The following ZFAND6 variants were observed in gnomAD, a reference collection of about 807,000 sequenced individuals.
The protein encoded by ZFAND6 is AN1-type zinc finger protein 6.
ZFAND6 carries 12 observed loss-of-function variants against 24.5 expected under a neutral mutation model. The ratio of observed to expected loss-of-function variants is 0.49; its 90% CI spans 0.31 to 0.79. The LOEUF (loss-of-function observed/expected upper bound fraction) is 0.79, where lower values mean the gene tolerates loss of function less well. Among genes scored for constraint, ZFAND6 ranks in the 30% least tolerant of loss-of-function variants. The pLI, the probability that ZFAND6 is intolerant of heterozygous loss-of-function variation, is 0.04. For missense variants in ZFAND6, 207 were observed against 245.9 expected (o/e 0.84, Z 1.06); for synonymous variants, 92 against 81.5 (o/e 1.13, Z -0.69).
intron 1 of ZFAND6, among the ~76,000 whole-genome samples, chr15:80,090,229 G>A (rs375085281): frequency 6.6e-6 from 1 of 152,150 alleles, no homozygotes; most frequent in Non-Finnish European, 1.5e-5. Context: ...GTATCTGATA[G>A]TACCTAAGTA....
At chr15:80,105,870 T>C (rs373023490) in intron 2 of ZFAND6, among the ~76,000 whole-genome samples, 6 of 152,248 alleles carry the variant, frequency 3.9e-5, no homozygotes, top group African/African-American at 9.6e-5. Context: ...CTTGCAATCA[T>C]TTCTGGCATC....
chr15:80,080,231 G>A (rs555568524), intron 1 of ZFAND6, among the ~76,000 whole-genome samples: 2 of 151,466 alleles, frequency 1.3e-5, no homozygotes, highest in Admixed American at 6.6e-5. Flanking sequence ...TCCTGACCTC[G>A]GGTGATCCAC....
chr15:80,109,207 T>C (rs1482131045), intron 2 of ZFAND6, among the ~76,000 whole-genome samples: 1 of 152,182 alleles, frequency 6.6e-6, no homozygotes, highest in African/African-American at 2.4e-5. Flanking sequence ...GGCAGTTTCA[T>C]TCATACATTC....
intron 1 of ZFAND6, among the ~76,000 whole-genome samples, chr15:80,073,664 C>G (rs1340583712): frequency 1.3e-5 from 2 of 151,888 alleles, no homozygotes; most frequent in Admixed American, 1.3e-4. Flanking sequence ...ATCTACCCAC[C>G]AGCAGATCAT....
At chr15:80,064,159 ATGTATT>A (rs2036483989) in intron 1 of ZFAND6, among the ~76,000 whole-genome samples, 1 of 152,232 alleles carries the variant, frequency 6.6e-6, no homozygotes, top group African/African-American at 2.4e-5. Context: ...AGCTACTACT[ATGTATT>A]TGTCATTGTT....
intron 1 of ZFAND6, among the ~76,000 whole-genome samples, chr15:80,097,957 C>T (rs2038827302): frequency 6.6e-6 from 1 of 151,862 alleles, no homozygotes; most frequent in South Asian, 2.1e-4. Context: ...TGCTATAAAC[C>T]ATAGAAAATG....
intron 5 of ZFAND6, among the ~76,000 whole-genome samples, chr15:80,126,698 G>T (rs1567096628): frequency 6.6e-6 from 1 of 152,096 alleles, no homozygotes; most frequent in Non-Finnish European, 1.5e-5. Flanking sequence ...CTTAAAGCAG[G>T]TATACATTTT....
intron 1 of ZFAND6, among the ~76,000 whole-genome samples, chr15:80,085,667 A>G (rs1567061545): frequency 6.6e-6 from 1 of 152,222 alleles, no homozygotes; most frequent in Admixed American, 6.5e-5. Context: ...TTCTGTAAAC[A>G]TGCATACCTA....
At chr15:80,118,373 C>T (rs562031082) in intron 2 of ZFAND6, among the ~76,000 whole-genome samples, 52 of 152,180 alleles carry the variant, frequency 3.4e-4, no homozygotes, top group East Asian at 2.3e-3. Flanking sequence ...CCACCGTGCC[C>T]GGCCTCCATC....
At chr15:80,095,734 G>T (rs1236731318) in intron 1 of ZFAND6, among the ~76,000 whole-genome samples, 1 of 152,200 alleles carries the variant, frequency 6.6e-6, no homozygotes, top group Non-Finnish European at 1.5e-5. Context: ...TCTATACACT[G>T]TTTCAAGTTC....
intron 2 of ZFAND6, among the ~76,000 whole-genome samples, chr15:80,103,406 G>T (rs1252308190): frequency 1.3e-5 from 2 of 152,004 alleles, no homozygotes; most frequent in African/African-American, 4.8e-5. Context: ...GAATTTGGTG[G>T]GATTAATTGG....
chr15:80,093,491 GCCGAGACGGGCGGAGCA>G (rs772655637), intron 1 of ZFAND6, among the ~76,000 whole-genome samples: 8 of 151,996 alleles, frequency 5.3e-5, no homozygotes, highest in Non-Finnish European at 8.8e-5. Flanking sequence ...ACTTTGGGAG[GCCGAGACGGGCGGAGCA>G]CCGAGGTCAG....
At chr15:80,071,996 A>G (rs2037004477) in intron 1 of ZFAND6, among the ~76,000 whole-genome samples, 1 of 152,138 alleles carries the variant, frequency 6.6e-6, no homozygotes, top group Non-Finnish European at 1.5e-5. Context: ...CTGAGAACAT[A>G]AATGTCAGTG....
At chr15:80,125,498 G>A (rs1190484602) in intron 5 of ZFAND6, among the ~76,000 whole-genome samples, 3 of 152,208 alleles carry the variant, frequency 2.0e-5, no homozygotes, top group African/African-American at 4.8e-5. Flanking sequence ...CTGCCACCAG[G>A]TTGGTGGTAC....
chr15:80,079,941 C>G (rs71453499), intron 1 of ZFAND6, among the ~76,000 whole-genome samples: 11,920 of 151,938 alleles, frequency 0.078, 547 homozygotes, highest in East Asian at 0.19. Flanking sequence ...TGAGCCACCA[C>G]GCCTGGCCCT....
At chr15:80,078,881 AATT>A (rs148293174) in intron 1 of ZFAND6, among the ~76,000 whole-genome samples, 2,072 of 147,968 alleles carry the variant, frequency 0.014, 46 homozygotes, top group African/African-American at 0.049. Context: ...TCATTTGCTC[AATT>A]ATTTTATTTT....
intron 6 of ZFAND6, among the ~76,000 whole-genome samples, chr15:80,136,107 CAGTG>C (rs1481371625): frequency 6.8e-6 from 1 of 146,208 alleles, no homozygotes; most frequent in African/African-American, 2.5e-5. Context: ...GCCTGAGTGA[CAGTG>C]AGACCCTGTG....
chr15:80,095,784 GTCTC>G (rs1416886233), intron 1 of ZFAND6, among the ~76,000 whole-genome samples: 2 of 152,114 alleles, frequency 1.3e-5, no homozygotes, highest in Admixed American at 6.5e-5. Flanking sequence ...CTTTATTTGT[GTCTC>G]TCTAACTGCC....
rs1037162833 is a variant in ZFAND6 at position 80,137,804 on chromosome 15, T to A, written c.*176T>A. 1.7e-6 allele frequency: 1 copy of A among 577,116 alleles called. No homozygotes were observed. The highest frequency in any genetic ancestry group is 4.1e-5 in the Admixed American group (1 of 24,222). The allele number at this position is 577,116 out of a possible 1,614,324, so 35.7% of individuals were successfully genotyped here. The stretch of plus-strand genomic sequence containing the variant: ...TCTGAACATTTATTTCCATTGCAAT[T>A]TCTGTGGCTGAGGAGACTTAAACTT... On this transcript the variant is annotated 3_prime_UTR_variant, in exon 7 of 7. Transcript: ENST00000261749.
Sources: allele counts gnomAD v4.1 joint callset (sites outside exome capture counted in the v4.1 genomes callset), GRCh38; gene constraint gnomAD v4.1.1; transcripts MANE v1.5; gene names NCBI Gene and HGNC (gene_info 2026-07-23, HGNC 2026-07-21).